Variants in TAFA2 observed in about 807,000 individuals in gnomAD.
The protein encoded by TAFA2 is chemokine-like protein TAFA-2.
In TAFA2, 7 loss-of-function variants were observed where a neutral mutation model predicts 18.8. That is an observed-to-expected ratio of 0.37 (90% CI 0.21 to 0.70). The LOEUF is 0.70. Among genes scored for constraint, TAFA2 ranks in the 30% least tolerant of loss-of-function variants. The pLI is 0.53. For missense variants in TAFA2, 122 were observed against 158.1 expected, an observed-to-expected ratio of 0.77 and a Z score of 1.23; for synonymous variants, 60 against 54.2, an observed-to-expected ratio of 1.11 and a Z score of -0.47.
chr12:61,867,509 CACTAT>C (rs1874410310), intron 1 of TAFA2, 83 bp from the exon 2 acceptor site: 3 of 794,458 alleles, frequency 3.8e-6, no homozygotes, highest in Non-Finnish European at 6.2e-6. Context: ...TAAAGCCTTC[CACTAT>C]ACTTTAACCC....
At chr12:61,973,620 G>A (rs1879332248) in intron 1 of TAFA2, among the ~76,000 whole-genome samples, 1 of 151,552 alleles carries the variant, frequency 6.6e-6, no homozygotes, top group South Asian at 2.1e-4. Flanking sequence ...CAAAGACCTT[G>A]TTATTTTTTT....
At position 62,041,042 on chromosome 12, in the gene TAFA2, G is replaced by T. The variant is rs367872463; in HGVS notation, c.-2+150217C>A. Among the ~76,000 whole-genome samples, 3 of 152,054 alleles carry T rather than the reference G, an allele frequency of 2.0e-5. No individual in the cohort carries two copies. The East Asian group carries it at 5.8e-4, about 29-fold the overall frequency. On this transcript the variant is annotated intron_variant, in intron 1 of 4. Coordinates refer to ENST00000416284, the MANE Select transcript of TAFA2 (RefSeq NM_178539.5). ...CTAACAAGACCCTATTATTCAGACC[G>T]TTTTTATCATTTGTTCTCAAAACAA...
intron 1 of TAFA2, among the ~76,000 whole-genome samples, chr12:62,136,790 A>G: frequency 6.6e-6 from 1 of 152,168 alleles, no homozygotes; most frequent in Admixed American, 6.6e-5. Context: ...TGGTATTTAG[A>G]GTATAGCCAT....
intron 1 of TAFA2, among the ~76,000 whole-genome samples, chr12:62,081,745 A>G (rs1470684838): frequency 3.9e-5 from 6 of 152,054 alleles, no homozygotes; most frequent in African/African-American, 7.2e-5. Flanking sequence ...TCAGCCTCCC[A>G]AAGTGCTGTG....
chr12:62,036,901 C>T lies in TAFA2; in HGVS notation c.-2+154358G>A, dbSNP rs549361186. Among the ~76,000 whole-genome samples, 5 of 152,192 alleles carry T rather than the reference C, an allele frequency of 3.3e-5. No individual in the cohort carries two copies. In the South Asian group the frequency reaches 1.0e-3, roughly 31 times the overall value. ...AAAAAATCAGTCAACTGCTTCCATC[C>T]TTGTTAACTCAGTTCCTTCTGCTTT... On this transcript the variant is annotated intron_variant, in intron 1 of 4. Coordinates refer to ENST00000416284, the MANE Select transcript of TAFA2 (RefSeq NM_178539.5).
chr12:62,249,469 C>T (rs936013039), intron 1 of TAFA2, among the ~76,000 whole-genome samples: 1 of 152,046 alleles, frequency 6.6e-6, no homozygotes, highest in African/African-American at 2.4e-5. Flanking sequence ...CTATTAGTTC[C>T]CATGACAGTT....
intron 1 of TAFA2, among the ~76,000 whole-genome samples, chr12:62,202,954 G>A (rs1368066231): frequency 6.8e-6 from 1 of 146,114 alleles, no homozygotes; most frequent in African/African-American, 2.5e-5. Flanking sequence ...AGCCTCCTTT[G>A]TAGCTGGGAC....
intron 1 of TAFA2, among the ~76,000 whole-genome samples, chr12:61,948,814 T>C (rs1422852500): frequency 6.6e-6 from 1 of 152,194 alleles, no homozygotes; most frequent in African/African-American, 2.4e-5. Flanking sequence ...CTCAGCGTCT[T>C]AGCTCTAGAG....
chr12:61,923,855 G>T (rs1287730418), intron 1 of TAFA2, among the ~76,000 whole-genome samples: 1 of 151,846 alleles, frequency 6.6e-6, no homozygotes, highest in Non-Finnish European at 1.5e-5. Context: ...AAGGTTACAG[G>T]AACTGCTAAC....
At chr12:61,776,133 G>A (rs1482036536) in intron 2 of TAFA2, 2 of 414,410 alleles carry the variant, frequency 4.8e-6, no homozygotes, top group Non-Finnish European at 9.4e-6. Flanking sequence ...CTAGCATGCT[G>A]TTGGCATTAT....
At chr12:61,899,004 G>A (rs1875978459) in intron 1 of TAFA2, among the ~76,000 whole-genome samples, 1 of 152,082 alleles carries the variant, frequency 6.6e-6, no homozygotes, top group South Asian at 2.1e-4. Flanking sequence ...TCTAGGGCAG[G>A]GGCAAAATGG....
chr12:61,927,681 A>G (rs1299794544), intron 1 of TAFA2, among the ~76,000 whole-genome samples: 2 of 152,210 alleles, frequency 1.3e-5, no homozygotes, highest in Non-Finnish European at 2.9e-5. Context: ...ATATGGAATC[A>G]AAAAAGAGTC....
chr12:61,867,906 G>T (rs1874429037), intron 1 of TAFA2, among the ~76,000 whole-genome samples: 1 of 152,024 alleles, frequency 6.6e-6, no homozygotes, highest in Non-Finnish European at 1.5e-5. Context: ...TATTCCTAAT[G>T]TGCTTTTTAA....
At position 61,788,981 on chromosome 12, in the gene TAFA2, T is replaced by C. The variant is rs540994990; in HGVS notation, c.107-33957A>G. Among the ~76,000 whole-genome samples, 1,066 of 151,936 alleles carry C rather than the reference T, an allele frequency of 7.0e-3. 8 individuals carry two copies. The highest frequency in any genetic ancestry group is 0.013 in the Admixed American group (195 of 15,208). On this transcript the variant is annotated intron_variant, in intron 2 of 4. Coordinates refer to ENST00000416284, the MANE Select transcript of TAFA2 (RefSeq NM_178539.5). ...TGAGAAGCGTTTATCTTCGCCCACA[T>C]TTTGATGGGGTCATTTTTTTCTTGT...
chr12:62,151,079 T>A (rs2062325076), intron 1 of TAFA2, among the ~76,000 whole-genome samples: 1 of 152,214 alleles, frequency 6.6e-6, no homozygotes, highest in South Asian at 2.1e-4. Context: ...TTTGGGATCT[T>A]ACATATCAAC....
intron 1 of TAFA2, among the ~76,000 whole-genome samples, chr12:62,088,580 G>C (rs997577731): frequency 7.9e-6 from 1 of 126,482 alleles, no homozygotes; most frequent in Non-Finnish European, 1.7e-5. Context: ...GAAGACTCTC[G>C]GGGAAACAGC....
intron 1 of TAFA2, among the ~76,000 whole-genome samples, chr12:61,990,625 G>GCA (rs1381925690): frequency 2.6e-4 from 22 of 83,616 alleles, no homozygotes; most frequent in African/African-American, 6.2e-4. Flanking sequence ...AGGCATGAGC[G>GCA]CCCGGCCCAC....
At chr12:62,093,292 AG>A (rs1868799345) in intron 1 of TAFA2, among the ~76,000 whole-genome samples, 1 of 152,024 alleles carries the variant, frequency 6.6e-6, no homozygotes, top group South Asian at 2.1e-4. Flanking sequence ...GCAATTTACA[AG>A]TTTTTATTGT....
intron 1 of TAFA2, among the ~76,000 whole-genome samples, chr12:61,978,436 G>C (rs77769057): frequency 2.9e-3 from 436 of 152,020 alleles, no homozygotes; most frequent in Non-Finnish European, 5.0e-3. Flanking sequence ...TTTTCAAAAT[G>C]AAAATGTATT....
Sources: allele counts gnomAD v4.1 joint callset (sites outside exome capture counted in the v4.1 genomes callset), GRCh38; gene constraint gnomAD v4.1.1; transcripts MANE v1.5; gene names NCBI Gene and HGNC (gene_info 2026-07-23, HGNC 2026-07-21).